Variants in INCENP observed in about 807,000 individuals in gnomAD.
INCENP encodes inner centromere protein, also known as binds and activates aurora-B and -C in vivo and in vitro.
INCENP carries 43 observed loss-of-function variants against 107.3 expected under a neutral mutation model. That is an observed-to-expected ratio of 0.40 (90% CI 0.31 to 0.52). The LOEUF is 0.52. INCENP is among the 20% of genes least tolerant of loss of function. The pLI, the probability that INCENP is intolerant of heterozygous loss-of-function variation, is 0.53. For missense variants in INCENP, 1,089 were observed against 1,250.9 expected (o/e 0.87, Z 1.95); for synonymous variants, 488 against 494.4 (o/e 0.99, Z 0.17).
chr11:62,151,556 G>A (rs943042166), intron 18 of INCENP, among the ~76,000 whole-genome samples: 4 of 152,224 alleles, frequency 2.6e-5, no homozygotes, highest in Non-Finnish European at 4.4e-5. Context: ...GACTTTGTAA[G>A]GTTAAGCTGC....
At chr11:62,134,749 G>A (rs570510468) in intron 4 of INCENP, among the ~76,000 whole-genome samples, 3 of 152,250 alleles carry the variant, frequency 2.0e-5, no homozygotes, top group Admixed American at 1.3e-4. Context: ...GTGTTGTTTG[G>A]GTTAAAGTAA....
In INCENP at chr11:62,141,894, A is replaced by AT. The variant is rs1944132822; in HGVS notation, c.1605+386dup. The AT allele has an allele frequency of 8.4e-6, 3 of 356,992 alleles. No individual in the cohort carries two copies. In the East Asian group the frequency reaches 2.0e-4, roughly 24 times the overall value. 22.1% of individuals were successfully genotyped at this position (356,992 alleles called of 1,614,324 possible). A position where few individuals can be genotyped will look rare whatever the true frequency, so the allele number is the denominator to read the frequency against. On this transcript the variant is annotated intron_variant, in intron 11 of 18. Transcript: ENST00000394818. ...GTCTGTGGTCCCCAGAGCTACTGAG[A>AT]TTTATTGGTTCACAGACCTGAGCAG...
rs1409690691 is a variant in INCENP at position 62,146,744 on chromosome 11, G to A, written c.2046G>A (p.Lys682=). 6.5e-7 allele frequency: 1 copy of A among 1,549,792 alleles called. No homozygotes were observed. The highest frequency in any genetic ancestry group is 2.0e-5 in the Admixed American group (1 of 50,940). Residue 682 remains lysine (K), a synonymous_variant, in exon 15 of 19, where the codon AAG becomes AAA. Coordinates refer to ENST00000394818, the MANE Select transcript of INCENP (RefSeq NM_001040694.2). ...QERLRKAAEA[K]RLAEQREQER... is the part of the protein sequence containing the mutation. ...GGCTGCGGAAGGCGGCCGAGGCTAA[G>A]CGGCTGGCAGAGCAGCGGGAGCAGG... is the stretch of plus-strand genomic sequence containing the variant.
chr11:62,151,258 C>T (rs2134689004), intron 18 of INCENP, among the ~76,000 whole-genome samples: 2 of 152,306 alleles, frequency 1.3e-5, no homozygotes, highest in South Asian at 4.1e-4. Flanking sequence ...TCCCCTGGGT[C>T]TTCCTCAGCC....
chr11:62,140,179 C>T, intron 7 of INCENP, 55 bp from the exon 8 acceptor site: 5 of 1,542,508 alleles, frequency 3.2e-6, no homozygotes, highest in Non-Finnish European at 4.5e-6. Flanking sequence ...ACCCCCATTC[C>T]CACCCTGCCG....
In INCENP at chr11:62,138,913, C is replaced by T. The variant is rs757090907; in HGVS notation, c.1199C>T (p.Ser400Leu). ...PEVPENNGNN[S>L]WPHNDTEIAN... ...GTCCCTGAGAACAATGGAAATAACT[C>T]GTGGCCCCACAATGACACGGAGATT... The change falls in exon 7 of 19, where the codon TCG becomes TTG. Residue 400 changes from serine (S) to leucine (L), a missense_variant. Transcript: ENST00000394818. 4.3e-6 allele frequency: 7 copies of T among 1,613,866 alleles called. No individual in the cohort carries two copies. The highest frequency in any genetic ancestry group is 1.7e-5 in the Admixed American group (1 of 60,024).
Position 62,129,901 on chromosome 11 carries a change from C to T in INCENP, c.374C>T (p.Thr125Ile), listed in dbSNP as rs747969371. The change falls in exon 4 of 19, where the codon ACC (threonine) becomes ATC (isoleucine). Residue 125 changes from threonine (T) to isoleucine (I), a missense_variant. Transcript: ENST00000394818. ...AACGGCTCCGTCCTGCGGCGTGTGA[C>T]CCGTGCTGCGGCTGCAGCTGCCGCG... is the stretch of plus-strand genomic sequence containing the variant. ...GENGSVLRRV[T>I]RAAAAAAAAT... The T allele has an allele frequency of 1.2e-6, 2 of 1,613,712 alleles. No homozygotes were observed. The highest frequency in any genetic ancestry group is 1.7e-6 in the Non-Finnish European group (2 of 1,179,994).
chr11:62,143,012 C>T (rs1343696169), intron 11 of INCENP, among the ~76,000 whole-genome samples: 3 of 140,754 alleles, frequency 2.1e-5, no homozygotes, highest in Non-Finnish European at 4.7e-5. Flanking sequence ...TCCAGGGCCA[C>T]CTGCCAGGGG....
At chr11:62,140,683 C>T (rs1361240824) in intron 8 of INCENP, 21 bp from the exon 9 acceptor site, 2 of 1,541,212 alleles carry the variant, frequency 1.3e-6, no homozygotes, top group East Asian at 2.4e-5. Context: ...CCCTGTGATG[C>T]CGCCGCCCGC....
At chr11:62,133,159 G>A (rs759996720) in intron 4 of INCENP, among the ~76,000 whole-genome samples, 1 of 152,094 alleles carries the variant, frequency 6.6e-6, no homozygotes, top group African/African-American at 2.4e-5. Flanking sequence ...GCTCCAAGGT[G>A]GGGTCTTGGT....
intron 17 of INCENP, 107 bp from the exon 18 acceptor site, chr11:62,149,950 T>C: frequency 9.1e-7 from 1 of 1,100,030 alleles, no homozygotes; most frequent in Non-Finnish European, 1.3e-6. Context: ...CCTGCACCTT[T>C]TGTTTCTCCT....
At position 62,128,219 on chromosome 11, in the gene INCENP, A is replaced by G. The variant is rs760112921; in HGVS notation, c.58A>G (p.Met20Val). Reference sequence around the variant, plus strand: ...GCTGGAGCTATGTGACCAGAAGCTCATGGAGTTTCTCTGCAACATGGATAA... The same window carrying G: ...GCTGGAGCTATGTGACCAGAAGCTCGTGGAGTTTCTCTGCAACATGGATAA... Reference protein sequence around the residue: ...HLLELCDQKLMEFLCNMDNKD... With the variant: ...HLLELCDQKLVEFLCNMDNKD... The change falls in exon 2 of 19, where the codon ATG becomes GTG. Residue 20 changes from methionine to valine, a missense_variant. Transcript: ENST00000394818. 2 of 1,613,986 alleles carry G rather than the reference A, an allele frequency of 1.2e-6. No homozygotes were observed. Among genetic ancestry groups the G allele is most frequent in the South Asian group, 1.1e-5 (1 of 91,086 alleles).
At chr11:62,141,397 G>A (rs1944118832) in intron 10 of INCENP, 103 bp from the exon 11 acceptor site, 16 of 1,461,256 alleles carry the variant, frequency 1.1e-5, no homozygotes, top group Non-Finnish European at 1.9e-6. Flanking sequence ...CAGGAGGGCA[G>A]GCCCCACGCA....
intron 1 of INCENP, among the ~76,000 whole-genome samples, chr11:62,124,471 G>T (rs1176355531): frequency 6.6e-6 from 1 of 152,202 alleles, no homozygotes; most frequent in Non-Finnish European, 1.5e-5. Flanking sequence ...CAGGAAGCCC[G>T]AAACCAACCC....
intron 4 of INCENP, among the ~76,000 whole-genome samples, chr11:62,135,336 C>T (rs985713767): frequency 6.6e-6 from 1 of 152,032 alleles, no homozygotes; most frequent in African/African-American, 2.4e-5. Context: ...GGTGCGATCT[C>T]AGCTCACTGC....
At position 62,128,198 on chromosome 11, in the gene INCENP, G is replaced by C. The variant is rs1457978482; in HGVS notation, c.37G>C (p.Glu13Gln). 6.2e-7 allele frequency: 1 copy of C among 1,614,090 alleles called. No individual in the cohort carries two copies. Among genetic ancestry groups the C allele is most frequent in the Non-Finnish European group, 8.5e-7 (1 of 1,180,034 alleles). Residue 13 changes from glutamate (E) to glutamine (Q), a missense_variant, in exon 2 of 19, where the codon GAG (glutamate) becomes CAG (glutamine). Physicochemically the swap from Glu to Gln is conservative, Grantham distance 29. Coordinates refer to ENST00000394818, the MANE Select transcript of INCENP (RefSeq NM_001040694.2). Reference protein sequence around the residue: ...TTAPGPIHLLELCDQKLMEFL... With the variant: ...TTAPGPIHLLQLCDQKLMEFL... ...GGCCCCAGGGCCCATTCACCTGCTG[G>C]AGCTATGTGACCAGAAGCTCATGGA...
At chr11:62,151,346 T>C (rs1944368682) in intron 18 of INCENP, among the ~76,000 whole-genome samples, 1 of 152,184 alleles carries the variant, frequency 6.6e-6, no homozygotes, top group Non-Finnish European at 1.5e-5. Flanking sequence ...GTGGGGTCTG[T>C]GAGAAGCAGC....
At position 62,145,056 on chromosome 11, in the gene INCENP, G is replaced by A; in HGVS notation, c.1680G>A (p.Glu560=). The A allele has an allele frequency of 6.2e-7, 1 of 1,613,538 alleles. No individual in the cohort carries two copies. Among genetic ancestry groups the A allele is most frequent in the Non-Finnish European group, 8.5e-7 (1 of 1,179,800 alleles). Residue 560 remains glutamate, a synonymous_variant, in exon 12 of 19, where the codon GAG becomes GAA. Coordinates refer to ENST00000394818, the MANE Select transcript of INCENP (RefSeq NM_001040694.2). ...EAEQLRRQKV[E]EDKRRRLEEV... ...AGCAGCTGCGCAGGCAGAAGGTGGA[G>A]GAGGACAAGCGGCGGCGGCTGGAGG...
chr11:62,139,486 CCT>C (rs566380001), intron 7 of INCENP, among the ~76,000 whole-genome samples: 18 of 152,276 alleles, frequency 1.2e-4, no homozygotes, highest in Non-Finnish European at 1.9e-4. Flanking sequence ...GAGAAGGGTG[CCT>C]CTCTCTGGTG....
Sources: allele counts gnomAD v4.1 joint callset (sites outside exome capture counted in the v4.1 genomes callset), GRCh38; gene constraint gnomAD v4.1.1; transcripts MANE v1.5; gene names NCBI Gene and HGNC (gene_info 2026-07-23, HGNC 2026-07-21).